FTCDNL1: variants seen among roughly 807,000 people sequenced by gnomAD.
FTCDNL1 encodes the protein formiminotransferase cyclodeaminase N-terminal like.
Under a neutral mutation model 5.9 loss-of-function variants are expected in FTCDNL1, and 11 were observed. That is an observed-to-expected ratio of 1.87 (90% confidence interval 1.18 to 3.10). The LOEUF (loss-of-function observed/expected upper bound fraction) is 3.10. Among genes scored for constraint, FTCDNL1 ranks in the 30% most tolerant of loss-of-function variants. The pLI is 0.00. For missense variants in FTCDNL1, 115 were observed against 65.5 expected (o/e 1.76, Z -2.61); for synonymous variants, 58 against 24.8 (o/e 2.34, Z -3.99).
chr2:199,775,252 T>C (rs970275158), intron 3 of FTCDNL1, among the ~76,000 whole-genome samples: 1 of 152,208 alleles, frequency 6.6e-6, no homozygotes, highest in Non-Finnish European at 1.5e-5. Context: ...TCAGGAGTGA[T>C]ACGTGTGAGG....
chr2:199,842,581 C>A (rs768669918), intron 3 of FTCDNL1, among the ~76,000 whole-genome samples: 22 of 152,164 alleles, frequency 1.4e-4, no homozygotes, highest in Non-Finnish European at 2.2e-4. Context: ...TTTATAAATC[C>A]TCTGAATACC....
chr2:199,772,033 G>A (rs995141024), intron 3 of FTCDNL1, among the ~76,000 whole-genome samples: 9 of 152,164 alleles, frequency 5.9e-5, no homozygotes, highest in Non-Finnish European at 1.0e-4. Flanking sequence ...CAGCATCACT[G>A]CTCTTACACT....
At chr2:199,759,256 G>C (rs72922370), downstream of FTCDNL1, among the ~76,000 whole-genome samples, 4,453 of 150,548 alleles carry the variant, frequency 0.03, 127 homozygotes, top group East Asian at 0.17. Flanking sequence ...GGATTAGGAT[G>C]GTGGTCAAGG....
chr2:199,819,757 C>G lies in FTCDNL1; in HGVS notation c.212G>C (p.Gly71Ala), dbSNP rs1701573315. Residue 71 changes from glycine to alanine, a missense_variant and splice_region_variant, in exon 4 of 5, where the codon GGC (glycine) becomes GCC (alanine). Gly to Ala is a moderately conservative substitution (Grantham distance 60). Coordinates refer to ENST00000420128, the MANE Select transcript of FTCDNL1 (RefSeq NM_001363886.2). ...ITIATSVDKL[G>A]LAEDLVLHVP... Reference sequence around the variant, plus strand: ...ATGCAGCACCAGATCCTCAGCAAGGCCTGTGGCAGAGGGAATTTTAACCAA... The same window carrying G: ...ATGCAGCACCAGATCCTCAGCAAGGGCTGTGGCAGAGGGAATTTTAACCAA... 1 of 691,674 alleles carries G rather than the reference C, an allele frequency of 1.4e-6. No individual in the cohort carries two copies. Among genetic ancestry groups the G allele is most frequent in the African/African-American group, 1.8e-5 (1 of 56,904 alleles). The allele number at this position is 691,674 out of a possible 1,614,324, so 42.8% of individuals were successfully genotyped here.
At chr2:199,766,027 T>A (rs1380534293) in intron 3 of FTCDNL1, among the ~76,000 whole-genome samples, 1 of 152,128 alleles carries the variant, frequency 6.6e-6, no homozygotes, top group African/African-American at 2.4e-5. Context: ...AATAAGTCAA[T>A]CAAGCTTCAC....
chr2:199,805,720 C>A (rs562931653), downstream of FTCDNL1, among the ~76,000 whole-genome samples: 2 of 152,090 alleles, frequency 1.3e-5, no homozygotes, highest in African/African-American at 4.8e-5. Context: ...TCCTGGGCAA[C>A]AGAGTAAGAC....
the FTCDNL1 span, among the ~76,000 whole-genome samples, chr2:199,674,527 T>C: frequency 1.3e-5 from 2 of 152,330 alleles, no homozygotes; most frequent in African/African-American, 4.8e-5. Context: ...CACTCTTCAA[T>C]GCAATTTAAC....
intron 3 of FTCDNL1, among the ~76,000 whole-genome samples, chr2:199,772,519 T>C (rs1446279406): frequency 1.3e-5 from 2 of 151,728 alleles, no homozygotes; most frequent in Non-Finnish European, 2.9e-5. Context: ...GTATGCTCTA[T>C]ATCTACACAG....
chr2:199,842,857 C>T (rs1474410049), intron 3 of FTCDNL1, among the ~76,000 whole-genome samples: 2 of 151,084 alleles, frequency 1.3e-5, no homozygotes, highest in African/African-American at 2.4e-5. Context: ...TAGGGAAAAA[C>T]ATCCTTTCAC....
At chr2:199,754,056 T>C in the FTCDNL1 span, among the ~76,000 whole-genome samples, 4 of 152,190 alleles carry the variant, frequency 2.6e-5, no homozygotes, top group African/African-American at 7.2e-5. Flanking sequence ...GGCCGGGCTA[T>C]GATAGAGCAG....
the FTCDNL1 span, among the ~76,000 whole-genome samples, chr2:199,707,986 A>T: frequency 6.6e-6 from 1 of 152,096 alleles, no homozygotes; most frequent in Non-Finnish European, 1.5e-5. Flanking sequence ...AATTTTAGAA[A>T]TATTTGACTG....
intron 3 of FTCDNL1, among the ~76,000 whole-genome samples, chr2:199,775,990 T>C (rs1699045516): frequency 6.7e-6 from 1 of 149,738 alleles, no homozygotes; most frequent in African/African-American, 2.5e-5. Flanking sequence ...ATCAGCTCAC[T>C]GCAAGCTCCA....
chr2:199,766,838 T>G (rs1698561115), intron 3 of FTCDNL1, among the ~76,000 whole-genome samples: 1 of 152,152 alleles, frequency 6.6e-6, no homozygotes, highest in Non-Finnish European at 1.5e-5. Context: ...AATTTTCACT[T>G]CCAGCAATGT....
chr2:199,726,201 T>C, the FTCDNL1 span, among the ~76,000 whole-genome samples: 2 of 152,236 alleles, frequency 1.3e-5, no homozygotes, highest in African/African-American at 4.8e-5. Flanking sequence ...TGTGGTTGCA[T>C]TGTGACGTTC....
At chr2:199,787,117 G>A (rs771338427) in intron 3 of FTCDNL1, among the ~76,000 whole-genome samples, 36 of 151,940 alleles carry the variant, frequency 2.4e-4, no homozygotes, top group African/African-American at 3.6e-4. Flanking sequence ...CCTTTGGCCC[G>A]CTCAGATATC....
At position 199,810,145 on chromosome 2, in the gene FTCDNL1, C is replaced by G. The variant is rs1297518959; in HGVS notation, c.*2560G>C. 6.6e-6 allele frequency among the ~76,000 whole-genome samples: 1 copy of G among 152,038 alleles called. No homozygotes were observed. The highest frequency in any genetic ancestry group is 2.4e-5 in the African/African-American group (1 of 41,394). ...CAGCAACAGGCCTTAGACCTTCATT[C>G]ATTTCCAAGGCCATCTCCATGGGGG... On this transcript the variant is annotated 3_prime_UTR_variant, in exon 5 of 5. Transcript: ENST00000420128.
intron 3 of FTCDNL1, among the ~76,000 whole-genome samples, chr2:199,781,041 G>T (rs1244131060): frequency 1.3e-5 from 2 of 152,160 alleles, no homozygotes. Flanking sequence ...CCGAGTGACT[G>T]GTGTCAGAGG....
rs939795955 is a variant in FTCDNL1, at chr2:199,838,355, G to A, written c.211+7720C>T. 5.3e-5 allele frequency among the ~76,000 whole-genome samples: 8 copies of A among 152,266 alleles called. No homozygotes were observed. In the East Asian group the frequency reaches 1.5e-3, roughly 29 times the overall value. ...ATCCAAGATGATTTAAAATCGCCAA[G>A]AGAAGTAGGGACTTCCAGGAAAACA... On this transcript the variant is annotated intron_variant, in intron 3 of 4. Coordinates refer to ENST00000420128, the MANE Select transcript of FTCDNL1 (RefSeq NM_001363886.2).
chr2:199,674,426 G>A, the FTCDNL1 span, among the ~76,000 whole-genome samples: 1 of 152,180 alleles, frequency 6.6e-6, no homozygotes, highest in Non-Finnish European at 1.5e-5. Flanking sequence ...AGCAGTTTCT[G>A]TTGAATAATA....
Sources: gnomAD v4.1 joint callset for allele counts (sites outside exome capture counted in the v4.1 genomes callset) on GRCh38, gnomAD v4.1.1 for gene constraint, MANE v1.5 for transcripts, NCBI Gene and HGNC (gene_info 2026-07-23, HGNC 2026-07-21) for gene names.